Variants in TEAD1 observed in about 807,000 individuals in gnomAD.
The protein encoded by TEAD1 is TEA domain transcription factor 1.
TEAD1 carries 9 observed loss-of-function variants against 54.9 expected under a neutral mutation model. The ratio of observed to expected loss-of-function variants is 0.16; its 90% CI spans 0.10 to 0.29. The LOEUF is 0.29. TEAD1 is among the 10% of genes least tolerant of loss of function. The pLI is 1.00. For missense variants in TEAD1, 387 were observed against 535.9 expected (o/e 0.72, Z 2.74); for synonymous variants, 200 against 187.8 (o/e 1.07, Z -0.53).
At chr11:12,898,873 C>T (rs1358585741) in intron 9 of TEAD1, among the ~76,000 whole-genome samples, 1 of 152,182 alleles carries the variant, frequency 6.6e-6, no homozygotes, top group Admixed American at 6.5e-5. Flanking sequence ...CACTCAGCAC[C>T]TTGCTTTTCA....
At chr11:12,774,861 A>G (rs1590137426) in intron 3 of TEAD1, among the ~76,000 whole-genome samples, 1 of 152,150 alleles carries the variant, frequency 6.6e-6, no homozygotes, top group African/African-American at 2.4e-5. Flanking sequence ...AGAGCAATAG[A>G]CACGGGGCCT....
intron 11 of TEAD1, among the ~76,000 whole-genome samples, chr11:12,926,242 G>A (rs1039313349): frequency 2.0e-5 from 3 of 152,164 alleles, no homozygotes; most frequent in African/African-American, 7.2e-5. Flanking sequence ...TAAGCAATGA[G>A]GATTTGGGAT....
chr11:12,878,866 A>G, intron 5 of TEAD1: 3 of 1,275,962 alleles, frequency 2.4e-6, no homozygotes, highest in Non-Finnish European at 3.1e-6. Context: ...TCCTTTTAAC[A>G]AATTGTTTAT....
intron 2 of TEAD1, among the ~76,000 whole-genome samples, chr11:12,733,702 C>A (rs375740280): frequency 2.2e-4 from 34 of 152,318 alleles, no homozygotes; most frequent in African/African-American, 7.7e-4. Flanking sequence ...TGCCCTTGTG[C>A]ATGCTTATTT....
chr11:12,734,232 A>T (rs1229067759), intron 2 of TEAD1, among the ~76,000 whole-genome samples: 1 of 152,208 alleles, frequency 6.6e-6, no homozygotes, highest in Admixed American at 6.5e-5. Flanking sequence ...TGTTTTTGAA[A>T]AGTAAAAAAT....
intron 3 of TEAD1, among the ~76,000 whole-genome samples, chr11:12,766,708 T>C (rs1945214580): frequency 6.6e-6 from 1 of 152,218 alleles, no homozygotes; most frequent in Non-Finnish European, 1.5e-5. Flanking sequence ...GTATGGATTC[T>C]TTTCTCCTTA....
intron 2 of TEAD1, among the ~76,000 whole-genome samples, chr11:12,715,974 A>G (rs1944052284): frequency 6.6e-6 from 1 of 151,966 alleles, no homozygotes; most frequent in African/African-American, 2.4e-5. Context: ...TTACAGTAAA[A>G]ATCTTGGCCA....
intron 3 of TEAD1, among the ~76,000 whole-genome samples, chr11:12,784,894 G>A (rs149928993): frequency 2.0e-5 from 3 of 152,274 alleles, no homozygotes; most frequent in East Asian, 1.9e-4. Context: ...AGCTCCTATC[G>A]CTTGAGAAGT....
intron 10 of TEAD1, among the ~76,000 whole-genome samples, chr11:12,916,155 T>G (rs1948708765): frequency 1.3e-5 from 2 of 152,228 alleles, no homozygotes; most frequent in Admixed American, 1.3e-4. Flanking sequence ...GATGGCCTTT[T>G]TTTTAGTCCC....
At chr11:12,778,040 G>T (rs997156049) in intron 3 of TEAD1, among the ~76,000 whole-genome samples, 2 of 152,194 alleles carry the variant, frequency 1.3e-5, no homozygotes, top group Non-Finnish European at 2.9e-5. Context: ...TGCTTGCAAT[G>T]TGCCAGGTAC....
intron 9 of TEAD1, among the ~76,000 whole-genome samples, chr11:12,891,995 T>C (rs1220434700): frequency 2.6e-5 from 4 of 152,278 alleles, no homozygotes; most frequent in Middle Eastern, 3.4e-3. Context: ...GAGTTAGCAG[T>C]CTTCATAGTC....
At chr11:12,704,201 C>G (rs1943765563) in intron 2 of TEAD1, among the ~76,000 whole-genome samples, 1 of 152,162 alleles carries the variant, frequency 6.6e-6, no homozygotes. Context: ...ATTAGACAAG[C>G]CTTCTGCCAA....
chr11:12,758,364 C>G (rs1590121037), intron 2 of TEAD1, among the ~76,000 whole-genome samples: 1 of 149,640 alleles, frequency 6.7e-6, no homozygotes, highest in East Asian at 2.0e-4. Flanking sequence ...CCTCAGCCTC[C>G]TGAGCAGCTG....
chr11:12,861,216 G>A (rs1233720175), intron 3 of TEAD1, among the ~76,000 whole-genome samples: 1 of 152,158 alleles, frequency 6.6e-6, no homozygotes, highest in Non-Finnish European at 1.5e-5. Flanking sequence ...GTGGTATTTT[G>A]GTAATACATT....
At chr11:12,712,819 A>T (rs1041124883) in intron 2 of TEAD1, among the ~76,000 whole-genome samples, 2 of 152,202 alleles carry the variant, frequency 1.3e-5, no homozygotes, top group African/African-American at 4.8e-5. Context: ...TTGACAATTG[A>T]GAGGGGAGCC....
chr11:12,897,514 C>A (rs531848977), intron 9 of TEAD1, among the ~76,000 whole-genome samples: 2 of 152,172 alleles, frequency 1.3e-5, no homozygotes, highest in South Asian at 4.1e-4. Context: ...AGGGCACCTT[C>A]TGTAGTACTT....
rs550419004 is a variant in TEAD1, at chr11:12,755,695, A to C, written c.-54-8484A>C. ...CCCGAGGTTAAGTTGTCCATTTCCCAGGGTGGGAGTGACTTGGGCTACGAG... is the reference window on the plus strand; with the variant it reads ...CCCGAGGTTAAGTTGTCCATTTCCCCGGGTGGGAGTGACTTGGGCTACGAG... On this transcript the variant is annotated intron_variant, in intron 2 of 12. Transcript: ENST00000527636. Among the ~76,000 whole-genome samples the C allele has an allele frequency of 4.7e-4, 71 of 152,330 alleles. 2 individuals are homozygous for C. Among genetic ancestry groups the C allele is most frequent in the African/African-American group, 1.6e-3 (68 of 41,578 alleles).
intron 3 of TEAD1, among the ~76,000 whole-genome samples, chr11:12,768,520 G>A (rs1945252590): frequency 6.6e-6 from 1 of 152,240 alleles, no homozygotes; most frequent in African/African-American, 2.4e-5. Context: ...TAGACAGGAA[G>A]CTGAGTCTGA....
At chr11:12,702,136 G>A (rs1208247769) in intron 2 of TEAD1, among the ~76,000 whole-genome samples, 1 of 152,172 alleles carries the variant, frequency 6.6e-6, no homozygotes, top group Non-Finnish European at 1.5e-5. Context: ...GGTGTGCCCA[G>A]AAATGGTCAG....
Sources: gnomAD v4.1 joint callset for allele counts (sites outside exome capture counted in the v4.1 genomes callset) on GRCh38, gnomAD v4.1.1 for gene constraint, MANE v1.5 for transcripts, NCBI Gene and HGNC (gene_info 2026-07-23, HGNC 2026-07-21) for gene names.